DNAAF11: variants seen among roughly 807,000 people sequenced by gnomAD.
The protein encoded by DNAAF11 is leucine rich repeat containing 6.
In DNAAF11, 45 loss-of-function variants were observed where a neutral mutation model predicts 60.8. That is an observed-to-expected ratio of 0.74 (90% CI 0.58 to 0.95). The LOEUF (loss-of-function observed/expected upper bound fraction) is 0.95. Ranked by LOEUF, DNAAF11 falls within the 40% of genes least tolerant of loss-of-function variation. The pLI, the probability that DNAAF11 is intolerant of heterozygous loss-of-function variation, is 0.00. For missense variants in DNAAF11, 546 were observed against 546.2 expected, an observed-to-expected ratio of 1.00 and a Z score of 0.00; for synonymous variants, 191 against 183.5, an observed-to-expected ratio of 1.04 and a Z score of -0.33.
At chr8:132,675,451 A>C (rs777588414) in intron 1 of DNAAF11, 33 bp downstream of exon 1, 1 of 1,555,080 alleles carries the variant, frequency 6.4e-7, no homozygotes, top group South Asian at 1.2e-5. Flanking sequence ...CACAAGGGGA[A>C]CGATCGAGGA....
At chr8:132,608,072 T>G (rs1310277191) in intron 10 of DNAAF11, among the ~76,000 whole-genome samples, 1 of 152,182 alleles carries the variant, frequency 6.6e-6, no homozygotes, top group East Asian at 1.9e-4. Flanking sequence ...ATATACATTT[T>G]TAATATTAAG....
chr8:132,602,524 T>C (rs995200255), intron 10 of DNAAF11, among the ~76,000 whole-genome samples: 2 of 152,052 alleles, frequency 1.3e-5, no homozygotes, highest in African/African-American at 4.8e-5. Flanking sequence ...CCTATGTAAA[T>C]TTCTGCTTCT....
At chr8:132,584,760 C>T (rs1203362474) in intron 10 of DNAAF11, among the ~76,000 whole-genome samples, 1 of 152,132 alleles carries the variant, frequency 6.6e-6, no homozygotes, top group Non-Finnish European at 1.5e-5. Context: ...AGGCTATCTG[C>T]CTTTCTCTGT....
chr8:132,615,088 G>T lies in DNAAF11; in HGVS notation c.924C>A (p.Phe308Leu). Residue 308 changes from phenylalanine (F) to leucine (L), a missense_variant, in exon 8 of 12, where the codon TTC (phenylalanine) becomes TTA (leucine). Phe to Leu is a conservative substitution (Grantham distance 22). Transcript: ENST00000620350. ...TCTGCTTTTCGTTATCTTTCAAAGAGAAGTCAATTCTAAGAATAACACATT... is the reference window on the plus strand; with the variant it reads ...TCTGCTTTTCGTTATCTTTCAAAGATAAGTCAATTCTAAGAATAACACATT... ...ALNVNEPKID[F>L]SLKDNEKQII... 1.2e-6 allele frequency: 2 copies of T among 1,605,276 alleles called. No individual in the cohort carries two copies. The highest frequency in any genetic ancestry group is 1.7e-6 in the Non-Finnish European group (2 of 1,172,764).
In DNAAF11 at chr8:132,571,996, T is replaced by A. The variant is rs1407247854; in HGVS notation, c.*310A>T. 4.4e-6 allele frequency: 1 copy of A among 226,552 alleles called. No homozygotes were observed. Among genetic ancestry groups the A allele is most frequent in the African/African-American group, 2.3e-5 (1 of 44,264 alleles). The allele number at this position is 226,552 out of a possible 1,614,324, so 14.0% of individuals were successfully genotyped here. On this transcript the variant is annotated 3_prime_UTR_variant, in exon 12 of 12. Coordinates refer to ENST00000620350, the MANE Select transcript of DNAAF11 (RefSeq NM_012472.6). ...ATTTAATACTCAGTCCTTTTATCTA[T>A]GAATTAATACTTTGCATAAGTAGAC...
chr8:132,686,522 C>T, the DNAAF11 span, among the ~76,000 whole-genome samples: 1 of 152,098 alleles, frequency 6.6e-6, no homozygotes, highest in Non-Finnish European at 1.5e-5. Flanking sequence ...AGTATTCCAA[C>T]ACTACTGCAT....
chr8:132,691,938 G>A, the DNAAF11 span, among the ~76,000 whole-genome samples: 188 of 152,220 alleles, frequency 1.2e-3, 3 homozygotes, highest in Non-Finnish European at 3.7e-4. Flanking sequence ...CAGCCGCCTC[G>A]CCTATGATCC....
the DNAAF11 span, among the ~76,000 whole-genome samples, chr8:132,696,409 T>C: frequency 6.6e-6 from 1 of 152,122 alleles, no homozygotes; most frequent in Non-Finnish European, 1.5e-5. Flanking sequence ...TAAGCACAAA[T>C]TGACCATATG....
chr8:132,575,108 G>A (rs1039758661), intron 11 of DNAAF11, among the ~76,000 whole-genome samples: 2 of 152,178 alleles, frequency 1.3e-5, no homozygotes, highest in Admixed American at 6.5e-5. Context: ...AAGAAACAAA[G>A]TTCATTACTG....
Position 132,625,397 on chromosome 8 carries a change from T to C in DNAAF11, c.711A>G (p.Thr237=). The C allele has an allele frequency of 1.9e-6, 3 of 1,613,722 alleles. No homozygotes were observed. Among genetic ancestry groups the C allele is most frequent in the Non-Finnish European group, 2.5e-6 (3 of 1,179,744 alleles). The change falls in exon 6 of 12, where the codon ACA becomes ACG. Residue 237 remains threonine, a synonymous_variant. Coordinates refer to ENST00000620350, the MANE Select transcript of DNAAF11 (RefSeq NM_012472.6). ...CATCTTCACTGTTGTCTAATTTCTTTGTGTTGTGTTCCTCTGTGTCTGGTG... is the reference window on the plus strand; with the variant it reads ...CATCTTCACTGTTGTCTAATTTCTTCGTGTTGTGTTCCTCTGTGTCTGGTG... The part of the protein sequence containing the change: ...LQAPDTEEHN[T]KKLDNSEDDL...
chr8:132,570,876 A>G lies in DNAAF11; in HGVS notation c.*1430T>C, dbSNP rs1055858736. Among the ~76,000 whole-genome samples the G allele has an allele frequency of 1.3e-5, 2 of 152,200 alleles. No individual in the cohort carries two copies. The highest frequency in any genetic ancestry group is 1.5e-5 in the Non-Finnish European group (1 of 68,034). On this transcript the variant is annotated 3_prime_UTR_variant, in exon 12 of 12. Coordinates refer to ENST00000620350, the MANE Select transcript of DNAAF11 (RefSeq NM_012472.6). ...ATTTCAGCAGCATGATAATTTCCAT[A>G]GACCTCTCCACAAGCTCCCAATCAC... is the stretch of plus-strand genomic sequence containing the variant.
chr8:132,633,290 A>T (rs1405160867), intron 4 of DNAAF11, among the ~76,000 whole-genome samples: 1 of 152,112 alleles, frequency 6.6e-6, no homozygotes, highest in Non-Finnish European at 1.5e-5. Context: ...CATAGCTTCA[A>T]AGTACAACAA....
chr8:132,630,683 A>C (rs762182343), intron 5 of DNAAF11, among the ~76,000 whole-genome samples: 8 of 152,330 alleles, frequency 5.3e-5, no homozygotes, highest in Non-Finnish European at 1.2e-4. Context: ...ACTCTCAATA[A>C]GAAAAAAACT....
chr8:132,610,139 G>A (rs1379522421), intron 10 of DNAAF11, 27 bp downstream of exon 10: 2 of 1,558,200 alleles, frequency 1.3e-6, no homozygotes, highest in African/African-American at 2.7e-5. Flanking sequence ...ATCCAGACTT[G>A]AAATTGACCC....
In DNAAF11 at chr8:132,623,118, T is replaced by C. The variant is rs1334284689; in HGVS notation, c.837-430A>G. Among the ~76,000 whole-genome samples, 3 of 152,144 alleles carry C rather than the reference T, an allele frequency of 2.0e-5. No homozygotes were observed. The East Asian group carries it at 5.8e-4, about 29-fold the overall frequency. ...CCAAGTAGAATCTATTCAATAGAAA[T>C]AAAAATACCAGCACAGAAGAATCTA... On this transcript the variant is annotated intron_variant, in intron 6 of 11. Coordinates refer to ENST00000620350, the MANE Select transcript of DNAAF11 (RefSeq NM_012472.6).
chr8:132,602,589 C>A (rs1019919794), intron 10 of DNAAF11, among the ~76,000 whole-genome samples: 6 of 151,830 alleles, frequency 4.0e-5, no homozygotes, highest in Admixed American at 6.6e-5. Flanking sequence ...AATTTAATGC[C>A]CACAGCAACT....
intron 11 of DNAAF11, among the ~76,000 whole-genome samples, chr8:132,576,189 C>T (rs1814730596): frequency 6.6e-6 from 1 of 152,198 alleles, no homozygotes. Context: ...CTCCTTGTTA[C>T]TGCCCTGTTG....
At chr8:132,674,663 C>T (rs1036692852) in intron 1 of DNAAF11, among the ~76,000 whole-genome samples, 1 of 152,168 alleles carries the variant, frequency 6.6e-6, no homozygotes, top group Non-Finnish European at 1.5e-5. Context: ...CCGAGGCGGG[C>T]GGATCACCTG....
chr8:132,575,565 G>C (rs1814658219), intron 11 of DNAAF11, among the ~76,000 whole-genome samples: 1 of 152,106 alleles, frequency 6.6e-6, no homozygotes, highest in South Asian at 2.1e-4. Flanking sequence ...CAAGGGCTCT[G>C]CAAGTAGGAT....
Sources: allele counts gnomAD v4.1 joint callset (sites outside exome capture counted in the v4.1 genomes callset), GRCh38; gene constraint gnomAD v4.1.1; transcripts MANE v1.5; gene names NCBI Gene and HGNC (gene_info 2026-07-23, HGNC 2026-07-21).